Variants in ADAM12 observed in about 807,000 individuals in gnomAD.
ADAM12 encodes the protein disintegrin and metalloproteinase domain-containing protein 12.
In ADAM12, 70 loss-of-function variants were observed where a neutral mutation model predicts 106.4. The ratio of observed to expected loss-of-function variants is 0.66; its 90% CI spans 0.54 to 0.80. The LOEUF is 0.80. Among genes scored for constraint, ADAM12 ranks in the 30% least tolerant of loss-of-function variants. ADAM12 has a pLI of 0.00. For missense variants in ADAM12, 1,010 were observed against 1,171.9 expected, an observed-to-expected ratio of 0.86 and a Z score of 2.02; for synonymous variants, 420 against 433.5, an observed-to-expected ratio of 0.97 and a Z score of 0.39.
At chr10:126,255,208 GTGA>G (rs1228194683) in intron 3 of ADAM12, among the ~76,000 whole-genome samples, 1 of 152,210 alleles carries the variant, frequency 6.6e-6, no homozygotes, top group Admixed American at 6.5e-5. Context: ...ATGTCAGGTG[GTGA>G]TAAGTACAGG....
chr10:126,231,826 C>T (rs779422895), intron 3 of ADAM12, among the ~76,000 whole-genome samples: 12 of 152,118 alleles, frequency 7.9e-5, no homozygotes, highest in Non-Finnish European at 2.9e-5. Context: ...AAGGGATGAA[C>T]GGGATTGGTC....
chr10:126,317,296 T>C (rs1300029822), intron 2 of ADAM12, among the ~76,000 whole-genome samples: 2 of 152,142 alleles, frequency 1.3e-5, no homozygotes, highest in Non-Finnish European at 2.9e-5. Context: ...AGAGACCCAA[T>C]CCACAACCCT....
intron 21 of ADAM12, among the ~76,000 whole-genome samples, chr10:126,030,993 T>C (rs1388447092): frequency 6.6e-6 from 1 of 152,306 alleles, no homozygotes; most frequent in East Asian, 1.9e-4. Flanking sequence ...TAGCTGTGCC[T>C]GGGATCAGTC....
chr10:126,346,359 T>C (rs564853261), intron 1 of ADAM12, among the ~76,000 whole-genome samples: 25 of 152,378 alleles, frequency 1.6e-4, no homozygotes, highest in Admixed American at 1.4e-3. Context: ...TCCTGAGTTC[T>C]AGTTTGATTG....
intron 2 of ADAM12, among the ~76,000 whole-genome samples, chr10:126,286,996 T>G (rs1959896423): frequency 6.6e-6 from 1 of 152,194 alleles, no homozygotes; most frequent in African/African-American, 2.4e-5. Flanking sequence ...AGCTTGCTTC[T>G]CCCTCCCTGC....
At position 126,066,186 on chromosome 10, in the gene ADAM12, T is replaced by C. The variant is rs187392523; in HGVS notation, c.1413+531A>G. Among the ~76,000 whole-genome samples the C allele has an allele frequency of 6.6e-4, 100 of 152,322 alleles. 1 individual carries two copies. The South Asian group carries it at 0.011, about 17-fold the overall frequency. ...AATGGAACTGCCAAAAGAAACGCAG[T>C]CCTAGCCAGCAGCAATGGCGAGAGT... On this transcript the variant is annotated intron_variant, in intron 13 of 22. Transcript: ENST00000448723. This position sits in a 1 kb window ranked among gnomAD's most constrained non-coding sequence, Gnocchi z 5.1.
At chr10:126,341,561 T>C (rs1477388758) in intron 1 of ADAM12, among the ~76,000 whole-genome samples, 5 of 152,352 alleles carry the variant, frequency 3.3e-5, no homozygotes, top group African/African-American at 1.2e-4. Flanking sequence ...TTATTTTTAA[T>C]GAGAAAGAAC....
At chr10:126,135,780 CA>C in intron 4 of ADAM12, 120 bp from the exon 5 acceptor site, 1 of 882,150 alleles carries the variant, frequency 1.1e-6, no homozygotes, top group South Asian at 1.6e-5. Context: ...TATTGTTCTA[CA>C]GTCTTAATAT....
intron 3 of ADAM12, among the ~76,000 whole-genome samples, chr10:126,261,409 G>A (rs539109397): frequency 6.6e-6 from 1 of 152,284 alleles, no homozygotes; most frequent in South Asian, 2.1e-4. Context: ...AATTTTTTGG[G>A]AGTAAAGACA....
At chr10:126,199,422 A>G (rs1223424036) in intron 3 of ADAM12, among the ~76,000 whole-genome samples, 1 of 152,120 alleles carries the variant, frequency 6.6e-6, no homozygotes, top group African/African-American at 2.4e-5. Context: ...CCACCAGCCA[A>G]TTTCAACGAC....
chr10:126,146,813 C>G (rs373481846), intron 4 of ADAM12, among the ~76,000 whole-genome samples: 2 of 152,204 alleles, frequency 1.3e-5, no homozygotes, highest in African/African-American at 4.8e-5. Context: ...CCCCACGCCT[C>G]TGGCCCAGAT....
rs186774268 is a variant in ADAM12 at position 126,012,595 on chromosome 10, G to A, written c.*4684C>T. ...ACTATAAAATTACTTTGCTGTTTAC[G>A]TAACTGTATCTTTAATCTGTACTGT... On this transcript the variant is annotated 3_prime_UTR_variant, in exon 23 of 23. Transcript: ENST00000448723. 5 of 152,280 alleles carry A rather than the reference G, an allele frequency of 3.3e-5. No homozygotes were observed. Among genetic ancestry groups the A allele is most frequent in the East Asian group, 3.9e-4 (2 of 5,186 alleles). The allele number at this position is 152,280 out of a possible 1,614,324, so 9.4% of individuals were successfully genotyped here.
chr10:126,223,707 A>T (rs764757457), intron 3 of ADAM12, among the ~76,000 whole-genome samples: 2 of 152,176 alleles, frequency 1.3e-5, no homozygotes, highest in Non-Finnish European at 2.9e-5. Context: ...GGACAGACAC[A>T]TGCAGGACAG....
chr10:126,329,452 T>A (rs368030492), intron 2 of ADAM12, among the ~76,000 whole-genome samples: 2 of 152,216 alleles, frequency 1.3e-5, no homozygotes, highest in Non-Finnish European at 2.9e-5. Context: ...TTCTTTAATA[T>A]CTTAAGTTTT....
At chr10:126,042,227 G>C (rs759204144) in intron 18 of ADAM12, 1 of 1,613,458 alleles carries the variant, frequency 6.2e-7, no homozygotes, top group South Asian at 1.1e-5. Flanking sequence ...GCAGCTTCCT[G>C]CCTTGCTTCT....
At chr10:126,135,808 C>T (rs554687955) in intron 4 of ADAM12, 148 bp from the exon 5 acceptor site, 38 of 711,792 alleles carry the variant, frequency 5.3e-5, no homozygotes, top group African/African-American at 5.3e-4. Context: ...CAAAGCCCAA[C>T]ATGACCCAGC....
At chr10:126,209,023 A>G (rs927627908) in intron 3 of ADAM12, among the ~76,000 whole-genome samples, 1 of 152,208 alleles carries the variant, frequency 6.6e-6, no homozygotes, top group Admixed American at 6.5e-5. Context: ...AAACTTTTCT[A>G]TTACTCATTA....
chr10:126,238,211 G>A (rs565401219), intron 3 of ADAM12, among the ~76,000 whole-genome samples: 1 of 152,216 alleles, frequency 6.6e-6, no homozygotes, highest in South Asian at 2.1e-4. Flanking sequence ...CGGGCAGGGT[G>A]GCTCACGCCT....
chr10:126,335,887 C>A (rs1300873073), intron 1 of ADAM12, among the ~76,000 whole-genome samples: 1 of 152,112 alleles, frequency 6.6e-6, no homozygotes, highest in Non-Finnish European at 1.5e-5. Context: ...AACCCACAGC[C>A]CCCGTCTAAT....
Sources: gnomAD v4.1 joint callset for allele counts (sites outside exome capture counted in the v4.1 genomes callset) on GRCh38, gnomAD v4.1.1 for gene constraint, Gnocchi (gnomAD v3.1) non-coding constraint, MANE v1.5 for transcripts, NCBI Gene and HGNC (gene_info 2026-07-23, HGNC 2026-07-21) for gene names.